The following PXK variants were observed in gnomAD, a reference collection of about 807,000 sequenced individuals.
PXK encodes the protein PX domain-containing protein kinase-like protein.
Under a neutral mutation model 84.7 loss-of-function variants are expected in PXK, and 35 were observed. That is an observed-to-expected ratio of 0.41 (90% CI 0.32 to 0.55). The LOEUF (loss-of-function observed/expected upper bound fraction) is 0.55, where lower values mean the gene tolerates loss of function less well. Among genes scored for constraint, PXK ranks in the 20% least tolerant of loss-of-function variants. PXK has a pLI of 0.21. For missense variants in PXK, 634 were observed against 699.7 expected (o/e 0.91, Z 1.06); for synonymous variants, 253 against 260.8 (o/e 0.97, Z 0.29).
At chr3:58,423,758 C>T (rs924566253) in intron 17 of PXK, among the ~76,000 whole-genome samples, 3 of 152,184 alleles carry the variant, frequency 2.0e-5, no homozygotes, top group Non-Finnish European at 2.9e-5. Context: ...GGAGACGAGG[C>T]AACTAACTGT....
At chr3:58,350,879 A>G (rs1253120524) in intron 1 of PXK, among the ~76,000 whole-genome samples, 1 of 152,216 alleles carries the variant, frequency 6.6e-6, no homozygotes, top group South Asian at 2.1e-4. Context: ...TTCTCAGAGT[A>G]GGAAGGATAG....
chr3:58,422,183 A>C (rs973907186), intron 17 of PXK: 74 of 985,256 alleles, frequency 7.5e-5, no homozygotes, highest in Non-Finnish European at 8.6e-5. Context: ...AAAGCCAAAA[A>C]CAATCAATGG....
intron 3 of PXK, among the ~76,000 whole-genome samples, chr3:58,371,235 G>A (rs9877469): frequency 0.98 from 149,241 of 152,302 alleles, 73,178 homozygotes; most frequent in East Asian, 1. Flanking sequence ...GCAGACATCA[G>A]ATTCTCATCA....
chr3:58,393,624 G>A (rs1560048380), intron 7 of PXK, among the ~76,000 whole-genome samples: 2 of 151,722 alleles, frequency 1.3e-5, no homozygotes, highest in Non-Finnish European at 2.9e-5. Flanking sequence ...ATCACCTCCA[G>A]CTTTTTGCTC....
chr3:58,409,430 T>A lies in PXK; in HGVS notation c.1309-102T>A. The stretch of plus-strand genomic sequence containing the variant: ...ACAGCCTGAGCAAGGAAAGATTTTC[T>A]TTTATCCCAATAAAATGTGGTTTGC... On this transcript the variant is annotated intron_variant, in intron 14 of 17. Coordinates refer to ENST00000356151, the MANE Select transcript of PXK (RefSeq NM_017771.5). The surrounding 1 kb of genome is among the most constrained non-coding windows in gnomAD (Gnocchi z 4.2). The A allele has an allele frequency of 9.1e-7, 1 of 1,094,224 alleles. No individual in the cohort carries two copies. The highest frequency in any genetic ancestry group is 1.4e-5 in the South Asian group (1 of 71,914). 67.8% of individuals were successfully genotyped at this position (1,094,224 alleles called of 1,614,324 possible).
In PXK at chr3:58,409,123, C is replaced by T. The variant is rs56232415; in HGVS notation, c.1308+122C>T. 231,164 of 734,540 alleles carry T rather than the reference C, an allele frequency of 0.31. 40,819 individuals carry two copies. The highest frequency in any genetic ancestry group is 0.4 in the Middle Eastern group (1,647 of 4,156). 45.5% of individuals were successfully genotyped at this position (734,540 alleles called of 1,614,324 possible). On this transcript the variant is annotated intron_variant, in intron 14 of 17. Coordinates refer to ENST00000356151, the MANE Select transcript of PXK (RefSeq NM_017771.5). This position sits in a 1 kb window ranked among gnomAD's most constrained non-coding sequence, Gnocchi z 4.2. ...TTTAAGCATACTTACTCTCAGCCAG[C>T]CTTTAGGCTAAATGCTTCCCTGCAG...
intron 1 of PXK, among the ~76,000 whole-genome samples, chr3:58,343,890 C>G (rs1350679843): frequency 6.6e-6 from 1 of 152,178 alleles, no homozygotes; most frequent in African/African-American, 2.4e-5. Flanking sequence ...TCTTGTCTGC[C>G]AAGCTGGATA....
At chr3:58,394,268 C>G (rs1298374295) in intron 7 of PXK, among the ~76,000 whole-genome samples, 2 of 152,190 alleles carry the variant, frequency 1.3e-5, no homozygotes, top group African/African-American at 2.4e-5. Context: ...TAATACCTGT[C>G]TGGACCCAGT....
At position 58,383,589 on chromosome 3, in the gene PXK, A is replaced by C. The variant is rs900190933; in HGVS notation, c.388+889A>C. 1.2e-4 allele frequency among the ~76,000 whole-genome samples: 18 copies of C among 152,198 alleles called. No homozygotes were observed. The highest frequency in any genetic ancestry group is 3.9e-4 in the African/African-American group (16 of 41,456). On this transcript the variant is annotated intron_variant, in intron 4 of 17. Coordinates refer to ENST00000356151, the MANE Select transcript of PXK (RefSeq NM_017771.5). This position sits in a 1 kb window ranked among gnomAD's most constrained non-coding sequence, Gnocchi z 4.0. ...TCTTTCCTGGATCAGGGCAGCCGCC[A>C]AGGTACTGTGGTTGAAAGGGCTTCT... is the stretch of plus-strand genomic sequence containing the variant.
chr3:58,410,616 A>G (rs902322295), intron 16 of PXK, among the ~76,000 whole-genome samples: 5 of 152,098 alleles, frequency 3.3e-5, no homozygotes, highest in Non-Finnish European at 7.3e-5. Flanking sequence ...AGAAACCGAG[A>G]TGGTACAAAG....
intron 1 of PXK, among the ~76,000 whole-genome samples, chr3:58,336,097 A>G (rs1243020357): frequency 4.8e-5 from 5 of 103,908 alleles, no homozygotes; most frequent in Admixed American, 2.3e-4. Context: ...TTTAATACCA[A>G]TGGGGTTCTT....
At chr3:58,343,160 G>A (rs980728487) in intron 1 of PXK, among the ~76,000 whole-genome samples, 3 of 152,306 alleles carry the variant, frequency 2.0e-5, no homozygotes, top group African/African-American at 4.8e-5. Context: ...AAGCAGTGTC[G>A]TTCATTCATT....
At chr3:58,339,129 G>T (rs549139612) in intron 1 of PXK, among the ~76,000 whole-genome samples, 95 of 152,180 alleles carry the variant, frequency 6.2e-4, no homozygotes, top group Non-Finnish European at 1.1e-3. Flanking sequence ...AAGCTTTTAG[G>T]TACTGGTAAT....
At chr3:58,402,989 T>C (rs1478815896) in intron 12 of PXK, among the ~76,000 whole-genome samples, 1 of 151,010 alleles carries the variant, frequency 6.6e-6, no homozygotes, top group Non-Finnish European at 1.5e-5. Flanking sequence ...TGTTGTTTAC[T>C]TTTTTGCAAT....
In PXK at chr3:58,401,974, G is replaced by T. The variant is rs1009525337; in HGVS notation, c.1182-1888G>T. 1.3e-5 allele frequency among the ~76,000 whole-genome samples: 2 copies of T among 152,110 alleles called. No individual in the cohort carries two copies. Among genetic ancestry groups the T allele is most frequent in the Non-Finnish European group, 2.9e-5 (2 of 68,022 alleles). On this transcript the variant is annotated intron_variant, in intron 12 of 17. Coordinates refer to ENST00000356151, the MANE Select transcript of PXK (RefSeq NM_017771.5). This position sits in a 1 kb window ranked among gnomAD's most constrained non-coding sequence, Gnocchi z 4.4. Reference sequence around the variant, plus strand: ...ATACTGGCACATGCCTGTAGTTCCAGCTACTCAGGAGGCCAAGATGGGAGG... The same window carrying T: ...ATACTGGCACATGCCTGTAGTTCCATCTACTCAGGAGGCCAAGATGGGAGG...
intron 1 of PXK, among the ~76,000 whole-genome samples, chr3:58,350,925 T>C (rs917461272): frequency 6.6e-6 from 1 of 152,152 alleles, no homozygotes; most frequent in Non-Finnish European, 1.5e-5. Flanking sequence ...ATGGTGACCA[T>C]TATTAAAACC....
In PXK at chr3:58,398,701, C is replaced by G. The variant is rs1192592729; in HGVS notation, c.1103-598C>G. Among the ~76,000 whole-genome samples, 1 of 152,148 alleles carries G rather than the reference C, an allele frequency of 6.6e-6. No individual in the cohort carries two copies. The highest frequency in any genetic ancestry group is 1.5e-5 in the Non-Finnish European group (1 of 68,024). ...AGAGAGAGGGGAGGGCAGGGTGGCT[C>G]TTGGACCCCTGTGCCTTGGAGATAC... is the stretch of plus-strand genomic sequence containing the variant. On this transcript the variant is annotated intron_variant, in intron 11 of 17. Coordinates refer to ENST00000356151, the MANE Select transcript of PXK (RefSeq NM_017771.5). This position sits in a 1 kb window ranked among gnomAD's most constrained non-coding sequence, Gnocchi z 4.5.
chr3:58,381,933 A>G (rs1209512966), intron 3 of PXK, among the ~76,000 whole-genome samples: 1 of 152,100 alleles, frequency 6.6e-6, no homozygotes, highest in Non-Finnish European at 1.5e-5. Flanking sequence ...ACTGCCAGTA[A>G]TAATTTAAGA....
At position 58,412,777 on chromosome 3, in the gene PXK, T is replaced by C. The variant is rs563579071; in HGVS notation, c.1466-124T>C. The C allele has an allele frequency of 1.0e-6, 1 of 960,932 alleles. No individual in the cohort carries two copies. 59.5% of individuals were successfully genotyped at this position (960,932 alleles called of 1,614,324 possible). A position where few individuals can be genotyped will look rare whatever the true frequency, so the allele number is the denominator to read the frequency against. ...CTGAGTTTTTTGTCCCTCATCATCT[T>C]GTTTCACAAGGCTCACACACTAAGC... On this transcript the variant is annotated intron_variant, in intron 16 of 17. Coordinates refer to ENST00000356151, the MANE Select transcript of PXK (RefSeq NM_017771.5). This position sits in a 1 kb window ranked among gnomAD's most constrained non-coding sequence, Gnocchi z 6.2.
Sources: gnomAD v4.1 joint callset for allele counts (sites outside exome capture counted in the v4.1 genomes callset) on GRCh38, gnomAD v4.1.1 for gene constraint, Gnocchi (gnomAD v3.1) non-coding constraint, MANE v1.5 for transcripts, NCBI Gene and HGNC (gene_info 2026-07-23, HGNC 2026-07-21) for gene names.